Variants in ORC4 observed in about 807,000 individuals in gnomAD.
ORC4 encodes the protein origin recognition complex, subunit 4 homolog.
ORC4 carries 55 observed loss-of-function variants against 63.9 expected under a neutral mutation model. The observed-to-expected ratio is 0.86, with a 90% confidence interval of 0.69 to 1.08. The LOEUF (loss-of-function observed/expected upper bound fraction) is 1.08, where lower values mean the gene tolerates loss of function less well. Ranked by LOEUF, ORC4 falls within the 50% of genes least tolerant of loss-of-function variation. ORC4 has a pLI of 0.00. For synonymous variants in ORC4, 150 were observed against 168.5 expected (o/e 0.89, Z 0.85); for missense variants, 511 against 504.4 (o/e 1.01, Z -0.13).
At chr2:148,012,311 A>G (rs1280229111) in intron 1 of ORC4, among the ~76,000 whole-genome samples, 1 of 152,208 alleles carries the variant, frequency 6.6e-6, no homozygotes, top group East Asian at 1.9e-4. Context: ...TTTAAAGCCA[A>G]TTAGTTTTTT....
intron 1 of ORC4, among the ~76,000 whole-genome samples, chr2:147,984,550 A>G (rs2105377765): frequency 6.6e-6 from 1 of 152,242 alleles, no homozygotes; most frequent in South Asian, 2.1e-4. Flanking sequence ...TTCGACCCCT[A>G]ACCCTTACAT....
chr2:147,959,373 G>C (rs1248972658), intron 4 of ORC4, among the ~76,000 whole-genome samples: 1 of 151,318 alleles, frequency 6.6e-6, no homozygotes, highest in Non-Finnish European at 1.5e-5. Flanking sequence ...TTTTTTTAAA[G>C]AATTTGAAAA....
At chr2:147,945,286 T>A (rs1688597216) in intron 9 of ORC4, among the ~76,000 whole-genome samples, 1 of 152,124 alleles carries the variant, frequency 6.6e-6, no homozygotes, top group East Asian at 1.9e-4. Flanking sequence ...ACCTTCCTAC[T>A]TTATCTCTTT....
At chr2:148,001,094 C>A (rs1278716954) in intron 1 of ORC4, among the ~76,000 whole-genome samples, 4 of 152,072 alleles carry the variant, frequency 2.6e-5, no homozygotes, top group Non-Finnish European at 5.9e-5. Flanking sequence ...AACATCACAG[C>A]CTTCCTGGGA....
At chr2:148,005,817 T>C (rs978209007) in intron 1 of ORC4, among the ~76,000 whole-genome samples, 1 of 151,720 alleles carries the variant, frequency 6.6e-6, no homozygotes. Context: ...CTTTACAAAA[T>C]ATGAAAAAAT....
intron 1 of ORC4, among the ~76,000 whole-genome samples, chr2:147,998,414 T>C (rs1019202632): frequency 3.3e-5 from 5 of 152,208 alleles, no homozygotes; most frequent in African/African-American, 1.2e-4. Context: ...TCAGTGCTAT[T>C]CTGGAGTTAG....
chr2:147,983,241 T>C (rs1002528909), intron 1 of ORC4, among the ~76,000 whole-genome samples: 12 of 152,246 alleles, frequency 7.9e-5, no homozygotes, highest in Admixed American at 1.3e-4. Flanking sequence ...GAAAAACTTA[T>C]GTTCACACAA....
intron 1 of ORC4, among the ~76,000 whole-genome samples, chr2:147,977,664 T>C (rs1690642585): frequency 6.6e-6 from 1 of 152,204 alleles, no homozygotes. Flanking sequence ...CGATAGGACC[T>C]TGTTACCAGG....
chr2:148,014,255 T>A (rs1182957596), intron 1 of ORC4, among the ~76,000 whole-genome samples: 2 of 152,172 alleles, frequency 1.3e-5, no homozygotes, highest in African/African-American at 4.8e-5. Context: ...GGGACTCAGA[T>A]AAACTACCCA....
intron 13 of ORC4, among the ~76,000 whole-genome samples, 153 bp from the exon 14 acceptor site, chr2:147,935,851 T>C (rs1468628213): frequency 6.6e-6 from 1 of 152,068 alleles, no homozygotes; most frequent in Non-Finnish European, 1.5e-5. Context: ...AAAAAAACTC[T>C]CACAACCCCA....
chr2:147,938,424 T>C (rs1276504287), intron 11 of ORC4, 31 bp from the exon 12 acceptor site: 1 of 1,206,572 alleles, frequency 8.3e-7, no homozygotes, highest in Admixed American at 1.7e-5. Context: ...AACTATCAGT[T>C]TAATGACATA....
chr2:147,987,606 A>G (rs1691296964), intron 1 of ORC4, among the ~76,000 whole-genome samples: 1 of 152,116 alleles, frequency 6.6e-6, no homozygotes, highest in Admixed American at 6.5e-5. Context: ...CCCAAAAAAA[A>G]GCATTTAAGG....
At chr2:147,941,492 A>C (rs1688360286) in intron 10 of ORC4, among the ~76,000 whole-genome samples, 1 of 152,026 alleles carries the variant, frequency 6.6e-6, no homozygotes, top group Non-Finnish European at 1.5e-5. Context: ...CTAGATTGGC[A>C]AGAAAAAAAA....
chr2:147,963,658 A>C (rs1689735827), intron 4 of ORC4, among the ~76,000 whole-genome samples: 1 of 152,120 alleles, frequency 6.6e-6, no homozygotes, highest in Non-Finnish European at 1.5e-5. Flanking sequence ...CCACATGACT[A>C]TGCTCCTGGC....
intron 1 of ORC4, among the ~76,000 whole-genome samples, chr2:147,998,459 C>T (rs1388481213): frequency 2.0e-5 from 3 of 152,174 alleles, no homozygotes. Context: ...GATTAGTTCT[C>T]TGGCGAATGG....
chr2:147,938,092 T>A lies in ORC4; in HGVS notation c.1122+54A>T, dbSNP rs1019042641. The A allele has an allele frequency of 4.3e-6, 5 of 1,164,218 alleles. No homozygotes were observed. The Admixed American group carries it at 7.0e-5, about 16-fold the overall frequency. The allele number at this position is 1,164,218 out of a possible 1,614,324, so 72.1% of individuals were successfully genotyped here. On this transcript the variant is annotated intron_variant, in intron 13 of 13. Coordinates refer to ENST00000392857, the MANE Select transcript of ORC4 (RefSeq NM_181741.4). ...GTGCAATTTTAATACATAATCAAAT[T>A]GGATGTAAAAAATATACTTGTCTGT...
At chr2:148,000,832 G>A (rs1692256353) in intron 1 of ORC4, among the ~76,000 whole-genome samples, 1 of 152,056 alleles carries the variant, frequency 6.6e-6, no homozygotes, top group Non-Finnish European at 1.5e-5. Context: ...AATGCTCAAT[G>A]GTCGTATATG....
chr2:147,953,916 G>A (rs1413976947), intron 7 of ORC4, among the ~76,000 whole-genome samples: 1 of 152,016 alleles, frequency 6.6e-6, no homozygotes, highest in Admixed American at 6.6e-5. Flanking sequence ...TCTAGAAAGA[G>A]ACTTATGTAC....
At chr2:147,939,334 T>A in intron 10 of ORC4, 86 bp from the exon 11 acceptor site, 1 of 800,094 alleles carries the variant, frequency 1.2e-6, no homozygotes, top group Non-Finnish European at 2.2e-6. Context: ...TTTGTATAGT[T>A]AATTCTTAAG....
Sources: allele counts gnomAD v4.1 joint callset (sites outside exome capture counted in the v4.1 genomes callset), GRCh38; gene constraint gnomAD v4.1.1; transcripts MANE v1.5; gene names NCBI Gene and HGNC (gene_info 2026-07-23, HGNC 2026-07-21).